The following HMCN1 variants were observed in gnomAD, a reference collection of about 807,000 sequenced individuals.
HMCN1 encodes hemicentin-1.
In HMCN1, 321 loss-of-function variants were observed where a neutral mutation model predicts 625.9. The observed-to-expected ratio is 0.51, with a 90% CI of 0.47 to 0.56. The LOEUF (loss-of-function observed/expected upper bound fraction) is 0.56. HMCN1 is among the 20% of genes least tolerant of loss of function. The pLI, the probability that HMCN1 is intolerant of heterozygous loss-of-function variation, is 0.00. For synonymous variants in HMCN1, 2,425 were observed against 2,417.6 expected, an observed-to-expected ratio of 1.00 and a Z score of -0.09; for missense variants, 6,588 against 6,887.3, an observed-to-expected ratio of 0.96 and a Z score of 1.54.
In HMCN1 at chr1:186,136,600, A is replaced by G. The variant is rs1457924786; in HGVS notation, c.13313-68A>G. Reference sequence around the variant, plus strand: ...ACTTTTTTCAAAATAATGTCGCCATATAATACATGATAAAAAAAAATGCTG... The same window carrying G: ...ACTTTTTTCAAAATAATGTCGCCATGTAATACATGATAAAAAAAAATGCTG... On this transcript the variant is annotated intron_variant, in intron 86 of 106. Coordinates refer to ENST00000271588, the MANE Select transcript of HMCN1 (RefSeq NM_031935.3). The G allele has an allele frequency of 2.8e-6, 4 of 1,433,828 alleles. No individual in the cohort carries two copies. In the East Asian group the frequency reaches 9.1e-5, roughly 33 times the overall value. 88.8% of individuals were successfully genotyped at this position (1,433,828 alleles called of 1,614,324 possible). A position where few individuals can be genotyped will look rare whatever the true frequency, so the allele number is the denominator to read the frequency against.
intron 68 of HMCN1, among the ~76,000 whole-genome samples, chr1:186,096,358 C>T (rs550052689): frequency 3.3e-5 from 5 of 152,280 alleles, no homozygotes; most frequent in East Asian, 1.9e-4. Flanking sequence ...TTCTTACTTA[C>T]TTCTGCATTC....
At chr1:186,068,962 T>C (rs1367437118) in intron 50 of HMCN1, among the ~76,000 whole-genome samples, 2 of 151,846 alleles carry the variant, frequency 1.3e-5, no homozygotes, top group African/African-American at 4.8e-5. Context: ...AGTCAGAACT[T>C]GGATGAGACT....
chr1:186,153,947 A>G lies in HMCN1; in HGVS notation c.15216A>G (p.Glu5072=). Residue 5072 remains glutamate, a synonymous_variant, in exon 97 of 107, where the codon GAA becomes GAG. Coordinates refer to ENST00000271588, the MANE Select transcript of HMCN1 (RefSeq NM_031935.3). The part of the protein sequence containing the change: ...SSVESDYNQI[E]ETLGFKIHAS... Reference sequence around the variant, plus strand: ...TGGAATCTGACTATAACCAGATAGAAGAGACACTGGGTTTTAAAATTCATG... The same window carrying G: ...TGGAATCTGACTATAACCAGATAGAGGAGACACTGGGTTTTAAAATTCATG... 1.2e-6 allele frequency: 2 copies of G among 1,614,116 alleles called. No individual in the cohort carries two copies. The highest frequency in any genetic ancestry group is 8.5e-7 in the Non-Finnish European group (1 of 1,179,956).
chr1:185,871,026 T>C (rs771094218), intron 4 of HMCN1, among the ~76,000 whole-genome samples: 1 of 151,912 alleles, frequency 6.6e-6, no homozygotes, highest in Non-Finnish European at 1.5e-5. Context: ...GGTCAAGAGA[T>C]CGAGACCATC....
At chr1:185,881,788 T>C (rs1334024743) in intron 4 of HMCN1, among the ~76,000 whole-genome samples, 3 of 152,198 alleles carry the variant, frequency 2.0e-5, no homozygotes, top group Non-Finnish European at 4.4e-5. Context: ...ATAAAGTTCA[T>C]TTTCAGGTGA....
intron 19 of HMCN1, among the ~76,000 whole-genome samples, chr1:185,986,427 A>G (rs912302999): frequency 1.1e-4 from 17 of 152,082 alleles, no homozygotes; most frequent in African/African-American, 4.1e-4. Context: ...CCTGTTATAG[A>G]TTGGGCTTTT....
At chr1:185,937,490 G>A (rs894747523) in intron 11 of HMCN1, among the ~76,000 whole-genome samples, 12 of 152,142 alleles carry the variant, frequency 7.9e-5, no homozygotes, top group Non-Finnish European at 1.5e-4. Context: ...ATCTCCCAAC[G>A]CTGTTGCATT....
At chr1:186,028,703 T>C (rs1411203099) in intron 36 of HMCN1, among the ~76,000 whole-genome samples, 1 of 151,354 alleles carries the variant, frequency 6.6e-6, no homozygotes, top group South Asian at 2.1e-4. Context: ...TACTGAGTTA[T>C]GTTTTGACAT....
Position 186,108,338 on chromosome 1 carries a change from C to G in HMCN1, c.10853-123C>G, listed in dbSNP as rs550954776. 3 of 1,451,936 alleles carry G rather than the reference C, an allele frequency of 2.1e-6. No homozygotes were observed. In the East Asian group the frequency reaches 7.2e-5, roughly 35 times the overall value. 89.9% of individuals were successfully genotyped at this position (1,451,936 alleles called of 1,614,324 possible). On this transcript the variant is annotated intron_variant, in intron 70 of 106. Coordinates refer to ENST00000271588, the MANE Select transcript of HMCN1 (RefSeq NM_031935.3). ...TTCCCACTGTTTGTAATTATCTAGG[C>G]TATAAATTAAATGAGTAATGTTTTA... is the stretch of plus-strand genomic sequence containing the variant.
chr1:186,076,737 T>TCAGC, intron 54 of HMCN1, 115 bp downstream of exon 54: 2 of 996,340 alleles, frequency 2.0e-6, no homozygotes, highest in Non-Finnish European at 3.1e-6. Flanking sequence ...AACTGGCAGT[T>TCAGC]AGACTGCTGA....
At position 185,923,642 on chromosome 1, in the gene HMCN1, G is replaced by T; in HGVS notation, c.1274G>T (p.Ser425Ile). ...FQRVSSVSFS[S>I]IVPDAPKVTM... ...AGAGTATCAAGTGTTTCCTTTTCTA[G>T]TATTGTCCCAGGTGAGACATCATTT... Residue 425 changes from serine to isoleucine, a missense_variant, in exon 8 of 107, where the codon AGT (serine) becomes ATT (isoleucine). Around this residue, in one of 3 missense-constraint regions of HMCN1, gnomAD observed 4,628 missense variants for 4,853.1 expected, o/e 0.95. Coordinates refer to ENST00000271588, the MANE Select transcript of HMCN1 (RefSeq NM_031935.3). 2 of 1,603,190 alleles carry T rather than the reference G, an allele frequency of 1.2e-6. No homozygotes were observed. Among genetic ancestry groups the T allele is most frequent in the Non-Finnish European group, 8.5e-7 (1 of 1,176,444 alleles).
At chr1:185,813,782 G>T (rs1659676993) in intron 1 of HMCN1, among the ~76,000 whole-genome samples, 1 of 152,054 alleles carries the variant, frequency 6.6e-6, no homozygotes, top group Admixed American at 6.6e-5. Context: ...ACTTGTGTTT[G>T]CTGTCACAGA....
chr1:186,110,946 G>A (rs1446245079), intron 71 of HMCN1, among the ~76,000 whole-genome samples: 1 of 141,990 alleles, frequency 7.0e-6, no homozygotes, highest in East Asian at 2.1e-4. Flanking sequence ...AGAATTATAG[G>A]TGGTCTACGG....
At chr1:186,150,896 A>G (rs1343342495) in intron 93 of HMCN1, among the ~76,000 whole-genome samples, 1 of 151,828 alleles carries the variant, frequency 6.6e-6, no homozygotes, top group Non-Finnish European at 1.5e-5. Flanking sequence ...ACCACCACCA[A>G]CATATTCTTT....
intron 9 of HMCN1, among the ~76,000 whole-genome samples, chr1:185,927,284 A>C (rs1038962207): frequency 6.6e-5 from 10 of 152,200 alleles, no homozygotes; most frequent in African/African-American, 2.2e-4. Context: ...TGACATTTAC[A>C]AATTTGTGCT....
intron 11 of HMCN1, among the ~76,000 whole-genome samples, chr1:185,950,426 T>G (rs1668588289): frequency 6.6e-6 from 1 of 151,912 alleles, no homozygotes; most frequent in African/African-American, 2.4e-5. Flanking sequence ...TCAAGTTGTT[T>G]GGACAGAAAG....
chr1:186,018,954 A>C (rs1401445043), intron 34 of HMCN1, among the ~76,000 whole-genome samples: 1 of 152,100 alleles, frequency 6.6e-6, no homozygotes, highest in Non-Finnish European at 1.5e-5. Context: ...CTGGAGAGCC[A>C]CTTGGAAACC....
intron 1 of HMCN1, among the ~76,000 whole-genome samples, chr1:185,808,166 C>A (rs113668856): frequency 6.6e-6 from 1 of 151,646 alleles, no homozygotes; most frequent in Admixed American, 6.6e-5. Context: ...ACCAATATGG[C>A]GAAACGCTGT....
In HMCN1 at chr1:185,869,085, G is replaced by A. The variant is rs542784817; in HGVS notation, c.621+3222G>A. ...GGAAAGGATGTTTCACTTACTTTGG[G>A]CTAATGAGACCAAAGGAATTTTAGC... is the stretch of plus-strand genomic sequence containing the variant. On this transcript the variant is annotated intron_variant, in intron 4 of 106. Transcript: ENST00000271588. Among the ~76,000 whole-genome samples the A allele has an allele frequency of 1.5e-4, 23 of 152,168 alleles. No homozygotes were observed. In the South Asian group the frequency reaches 4.2e-3, roughly 27 times the overall value.
Sources: allele counts gnomAD v4.1 joint callset (sites outside exome capture counted in the v4.1 genomes callset), GRCh38; gene constraint gnomAD v4.1.1; regional missense constraint gnomAD v4.1.1; transcripts MANE v1.5; gene names NCBI Gene and HGNC (gene_info 2026-07-23, HGNC 2026-07-21).